FDFT1: variants seen among roughly 807,000 people sequenced by gnomAD.
FDFT1 encodes squalene synthase.
Under a neutral mutation model 46.8 loss-of-function variants are expected in FDFT1, and 68 were observed. That is an observed-to-expected ratio of 1.45 (90% CI 1.19 to 1.78). The LOEUF (loss-of-function observed/expected upper bound fraction) is 1.78, where lower values mean the gene tolerates loss of function less well. Among genes scored for constraint, FDFT1 ranks in the 40% most tolerant of loss-of-function variants. The probability of loss-of-function intolerance (pLI) is 0.00; values close to 1 mark genes in which losing one functional copy is unlikely to be tolerated. For missense variants in FDFT1, 928 were observed against 524.4 expected (o/e 1.77, Z -7.52); for synonymous variants, 351 against 185.1 (o/e 1.90, Z -7.28).
intron 3 of FDFT1, 75 bp from the exon 4 acceptor site, chr8:11,821,675 T>A: frequency 6.6e-7 from 1 of 1,524,946 alleles, no homozygotes; most frequent in Non-Finnish European, 9.1e-7. Flanking sequence ...ATTCCGCCAT[T>A]GTTTGCCTTG....
intron 3 of FDFT1, among the ~76,000 whole-genome samples, chr8:11,815,609 C>G (rs1585911592): frequency 6.6e-6 from 1 of 152,214 alleles, no homozygotes; most frequent in East Asian, 1.9e-4. Flanking sequence ...ATTTGCATTT[C>G]TCTGATGACC....
intron 5 of FDFT1, among the ~76,000 whole-genome samples, chr8:11,829,840 T>TG (rs1810524421): frequency 6.6e-6 from 1 of 151,838 alleles, no homozygotes; most frequent in African/African-American, 2.4e-5. Context: ...TAGTGTTTTT[T>TG]TTTGTTTTGT....
chr8:11,821,897 T>C lies in FDFT1; in HGVS notation c.510+19T>C, dbSNP rs926077021. The C allele has an allele frequency of 6.2e-7, 1 of 1,610,540 alleles. No individual in the cohort carries two copies. The highest frequency in any genetic ancestry group is 8.5e-7 in the Non-Finnish European group (1 of 1,177,570). ...GGACAAGGTTAGTCTCATAAAACAGTGTCTGTGTGTGATGTATTAGACAGA... is the reference window on the plus strand; with the variant it reads ...GGACAAGGTTAGTCTCATAAAACAGCGTCTGTGTGTGATGTATTAGACAGA... On this transcript the variant is annotated intron_variant, in intron 4 of 7. Coordinates refer to ENST00000220584, the MANE Select transcript of FDFT1 (RefSeq NM_004462.5).
chr8:11,808,347 C>G (rs1241210700), intron 1 of FDFT1: 1 of 1,227,790 alleles, frequency 8.1e-7, no homozygotes, highest in African/African-American at 1.6e-5. Context: ...GAGGAGGCGC[C>G]GGTGCGGAGC....
In FDFT1 at chr8:11,836,469, G is replaced by C. The variant is rs181930342; in HGVS notation, c.1033-1919G>C. On this transcript the variant is annotated intron_variant, in intron 7 of 7. Coordinates refer to ENST00000220584, the MANE Select transcript of FDFT1 (RefSeq NM_004462.5). ...GTCCCCACAACCCAGAGGAGGTGAG[G>C]GCCACCTCTCTGCTCCTCAGGGCCA... Among the ~76,000 whole-genome samples, 307 of 152,296 alleles carry C rather than the reference G, an allele frequency of 2.0e-3. 2 individuals carry two copies. Among genetic ancestry groups the C allele is most frequent in the African/African-American group, 7.1e-3 (293 of 41,554 alleles).
At chr8:11,815,521 T>G (rs1403257450) in intron 3 of FDFT1, among the ~76,000 whole-genome samples, 1 of 152,236 alleles carries the variant, frequency 6.6e-6, no homozygotes, top group East Asian at 1.9e-4. Context: ...CCACATCCTC[T>G]CCAGCATCTG....
rs565845978 is a variant in FDFT1 at position 11,802,763 on chromosome 8, A to G, written c.-70A>G. The G allele has an allele frequency of 4.8e-4, 611 of 1,263,674 alleles. 1 individual carries two copies. The highest frequency in any genetic ancestry group is 1.8e-4 in the Non-Finnish European group (159 of 882,506). 78.3% of individuals were successfully genotyped at this position (1,263,674 alleles called of 1,614,324 possible). On this transcript the variant is annotated 5_prime_UTR_variant, in exon 1 of 8. Transcript: ENST00000220584. ...CTCGAAGCACCTACTCCACAGGTCC[A>G]GCCGGCCGGTGAGCGCCTGGGGACC...
intron 7 of FDFT1, among the ~76,000 whole-genome samples, chr8:11,835,499 TAA>T (rs1299330457): frequency 6.6e-6 from 1 of 152,230 alleles, no homozygotes; most frequent in African/African-American, 2.4e-5. Flanking sequence ...AGATTTCTCT[TAA>T]TTTATTCACC....
At position 11,821,904 on chromosome 8, in the gene FDFT1, G is replaced by T. The variant is rs755797325; in HGVS notation, c.510+26G>T. 3.3e-5 allele frequency: 53 copies of T among 1,609,528 alleles called. 1 individual carries two copies. The South Asian group carries it at 5.6e-4, about 17-fold the overall frequency. Reference sequence around the variant, plus strand: ...GTTAGTCTCATAAAACAGTGTCTGTGTGTGATGTATTAGACAGAGCTGGCA... The same window carrying T: ...GTTAGTCTCATAAAACAGTGTCTGTTTGTGATGTATTAGACAGAGCTGGCA... On this transcript the variant is annotated intron_variant, in intron 4 of 7. Transcript: ENST00000220584.
intron 4 of FDFT1, among the ~76,000 whole-genome samples, chr8:11,823,077 A>G (rs971484974): frequency 2.0e-5 from 3 of 151,900 alleles, no homozygotes; most frequent in African/African-American, 4.8e-5. Flanking sequence ...ACCTCAGCCT[A>G]CCGAGTAGCT....
At chr8:11,828,971 A>C (rs1463908054) in intron 5 of FDFT1, among the ~76,000 whole-genome samples, 1 of 152,120 alleles carries the variant, frequency 6.6e-6, no homozygotes, top group Non-Finnish European at 1.5e-5. Context: ...GTACATTTGC[A>C]TATAAGTTTT....
intron 5 of FDFT1, among the ~76,000 whole-genome samples, chr8:11,827,043 G>A (rs543737808): frequency 6.6e-6 from 1 of 152,304 alleles, no homozygotes; most frequent in South Asian, 2.1e-4. Context: ...AACATGGACA[G>A]GGAACAGAAA....
chr8:11,816,802 A>T (rs1808521694), intron 3 of FDFT1, among the ~76,000 whole-genome samples: 1 of 152,216 alleles, frequency 6.6e-6, no homozygotes, highest in Non-Finnish European at 1.5e-5. Context: ...ATATACAATC[A>T]TGTCATTTGC....
At chr8:11,808,983 C>T in intron 2 of FDFT1, 92 bp downstream of exon 2, 2 of 1,523,500 alleles carry the variant, frequency 1.3e-6, no homozygotes, top group Non-Finnish European at 8.9e-7. Context: ...TAGCGCTCAG[C>T]GTTGCAGCCT....
At chr8:11,811,152 A>C (rs1563305974) in intron 3 of FDFT1, among the ~76,000 whole-genome samples, 1 of 152,152 alleles carries the variant, frequency 6.6e-6, no homozygotes, top group Non-Finnish European at 1.5e-5. Flanking sequence ...TGAGAATTAG[A>C]ACTGTAACCC....
intron 6 of FDFT1, among the ~76,000 whole-genome samples, chr8:11,831,052 G>C (rs955407897): frequency 7.2e-5 from 11 of 152,108 alleles, no homozygotes; most frequent in African/African-American, 2.4e-4. Context: ...CTTTACCTTT[G>C]AGCACAGGAA....
chr8:11,815,898 T>C (rs1429179670), intron 3 of FDFT1, among the ~76,000 whole-genome samples: 2 of 152,234 alleles, frequency 1.3e-5, no homozygotes, highest in Non-Finnish European at 2.9e-5. Flanking sequence ...TAGTTTGGCT[T>C]TTGTTGCCAT....
upstream of FDFT1, among the ~76,000 whole-genome samples, chr8:11,800,429 G>A (rs540066399): frequency 5.0e-4 from 76 of 152,142 alleles, no homozygotes; most frequent in African/African-American, 1.8e-3. Flanking sequence ...CCACCCCACT[G>A]CTTGTGTCTA....
chr8:11,817,791 C>T (rs1418352315), intron 3 of FDFT1, among the ~76,000 whole-genome samples: 1 of 150,422 alleles, frequency 6.6e-6, no homozygotes, highest in African/African-American at 2.5e-5. Flanking sequence ...TTTTGTTGAT[C>T]TTTTCAAAAA....
Sources: allele counts gnomAD v4.1 joint callset (sites outside exome capture counted in the v4.1 genomes callset), GRCh38; gene constraint gnomAD v4.1.1; transcripts MANE v1.5; gene names NCBI Gene and HGNC (gene_info 2026-07-23, HGNC 2026-07-21).